The following HSPA12A variants were observed in gnomAD, a reference collection of about 807,000 sequenced individuals.
HSPA12A encodes heat shock protein family A (Hsp70) member 12A.
Under a neutral mutation model 69.2 loss-of-function variants are expected in HSPA12A, and 28 were observed. The ratio of observed to expected loss-of-function variants is 0.40; its 90% CI spans 0.30 to 0.55. The LOEUF is 0.55. HSPA12A is among the 20% of genes least tolerant of loss of function. HSPA12A has a pLI of 0.38. For missense variants in HSPA12A, 686 were observed against 900.7 expected, an observed-to-expected ratio of 0.76 and a Z score of 3.05; for synonymous variants, 345 against 370.5, an observed-to-expected ratio of 0.93 and a Z score of 0.79.
chr10:116,734,672 T>C (rs1851258672), intron 1 of HSPA12A, among the ~76,000 whole-genome samples: 1 of 151,758 alleles, frequency 6.6e-6, no homozygotes, highest in Admixed American at 6.6e-5. Context: ...TTTTGCTTTT[T>C]TCATATATTA....
intron 2 of HSPA12A, among the ~76,000 whole-genome samples, chr10:116,816,462 G>T (rs759095230): frequency 6.6e-6 from 1 of 152,334 alleles, no homozygotes; most frequent in African/African-American, 2.4e-5. Context: ...CCGAGGCCTG[G>T]AGTTTTTAGC....
intron 2 of HSPA12A, among the ~76,000 whole-genome samples, chr10:116,821,872 C>T (rs1224552571): frequency 6.6e-6 from 1 of 152,150 alleles, no homozygotes; most frequent in Middle Eastern, 3.2e-3. Context: ...AGCTCAGAAA[C>T]ACCAGAACCT....
chr10:116,780,672 T>C (rs1844444875), intron 2 of HSPA12A, among the ~76,000 whole-genome samples: 1 of 152,222 alleles, frequency 6.6e-6, no homozygotes, highest in Non-Finnish European at 1.5e-5. Context: ...AATACGATTA[T>C]CAAATCCTTT....
At chr10:116,841,382 T>C (rs1210666042) in intron 1 of HSPA12A, among the ~76,000 whole-genome samples, 1 of 152,232 alleles carries the variant, frequency 6.6e-6, no homozygotes, top group Non-Finnish European at 1.5e-5. Flanking sequence ...AAACAGATGC[T>C]GATCATCAGT....
intron 1 of HSPA12A, among the ~76,000 whole-genome samples, chr10:116,732,361 G>GAAGAAAGAAA (rs1554885934): frequency 1.0e-5 from 1 of 100,096 alleles, no homozygotes; most frequent in East Asian, 3.1e-4. Context: ...AGAGACAGAG[G>GAAGAAAGAAA]GAAAGAAAAC....
chr10:116,769,151 T>C (rs912798399), intron 2 of HSPA12A, among the ~76,000 whole-genome samples: 2 of 152,226 alleles, frequency 1.3e-5, no homozygotes. Flanking sequence ...ATCTTCTGAC[T>C]GACCAATCAT....
chr10:116,807,777 C>A (rs766291505), intron 2 of HSPA12A, among the ~76,000 whole-genome samples: 2 of 152,182 alleles, frequency 1.3e-5, no homozygotes, highest in Non-Finnish European at 2.9e-5. Context: ...TGGGCTGTTT[C>A]CTAGACTAAG....
In HSPA12A at chr10:116,676,442, G is replaced by C; in HGVS notation, c.1347C>G (p.Asn449Lys). ...GMLRMSPDAM[N>K]ALFKPTIDSI... ...TATCGATGGTCGGCTTAAAAAGGGC[G>C]TTCATGGCATCTGGACTCATCCGCA... is the stretch of plus-strand genomic sequence containing the variant. The change falls in exon 11 of 12, where the codon AAC becomes AAG. Residue 449 changes from asparagine (N) to lysine (K), a missense_variant. Coordinates refer to ENST00000369209, the MANE Select transcript of HSPA12A (RefSeq NM_025015.3). 1 of 1,614,012 alleles carries C rather than the reference G, an allele frequency of 6.2e-7. No individual in the cohort carries two copies. Among genetic ancestry groups the C allele is most frequent in the East Asian group, 2.2e-5 (1 of 44,888 alleles).
intron 2 of HSPA12A, among the ~76,000 whole-genome samples, chr10:116,783,659 G>A (rs533623401): frequency 1.3e-5 from 2 of 152,284 alleles, no homozygotes; most frequent in Admixed American, 1.3e-4. Context: ...CTGTGATATA[G>A]TCTTAAGTGG....
intron 2 of HSPA12A, among the ~76,000 whole-genome samples, chr10:116,752,387 C>T (rs567498429): frequency 2.3e-4 from 35 of 152,242 alleles, no homozygotes; most frequent in Non-Finnish European, 4.7e-4. Flanking sequence ...CTGGTCTTTC[C>T]TTCATCCTCC....
At chr10:116,744,421 C>T (rs1851602071), upstream of HSPA12A, among the ~76,000 whole-genome samples, 1 of 152,212 alleles carries the variant, frequency 6.6e-6, no homozygotes, top group Non-Finnish European at 1.5e-5. Context: ...GCCTTGACAG[C>T]CTGTCAGAAG....
intron 2 of HSPA12A, among the ~76,000 whole-genome samples, chr10:116,766,166 T>C (rs934344065): frequency 6.6e-6 from 1 of 152,194 alleles, no homozygotes; most frequent in Non-Finnish European, 1.5e-5. Context: ...GCCCTGACAC[T>C]GGGGCATGAA....
At chr10:116,681,294 G>A in intron 8 of HSPA12A, 38 bp from the exon 9 acceptor site, 1 of 1,536,708 alleles carries the variant, frequency 6.5e-7, no homozygotes. Context: ...CAGACTGTTT[G>A]CCAACCCCAT....
intron 6 of HSPA12A, among the ~76,000 whole-genome samples, chr10:116,687,353 G>A (rs1349446960): frequency 6.6e-6 from 1 of 152,198 alleles, no homozygotes; most frequent in Non-Finnish European, 1.5e-5. Context: ...GGCCCAGGCA[G>A]TGTCTGGGAG....
At position 116,706,581 on chromosome 10, in the gene HSPA12A, C is replaced by T. The variant is rs112284030; in HGVS notation, c.126+619G>A. ...AGCTCATGCAAAGCTGCCCTGTCTT[C>T]CGGGCACTCACTCAGGTTGGCTGCC... On this transcript the variant is annotated intron_variant, in intron 2 of 11. Transcript: ENST00000369209. Among the ~76,000 whole-genome samples, 572 of 152,310 alleles carry T rather than the reference C, an allele frequency of 3.8e-3. 6 individuals are homozygous for T. The highest frequency in any genetic ancestry group is 5.2e-3 in the Non-Finnish European group (352 of 68,022).
upstream of HSPA12A, among the ~76,000 whole-genome samples, chr10:116,746,467 T>C (rs1167790326): frequency 4.6e-5 from 7 of 152,058 alleles, no homozygotes; most frequent in African/African-American, 1.7e-4. Context: ...ATGAGAAAAG[T>C]ACAACAGGAG....
chr10:116,765,937 T>C (rs895625426), intron 2 of HSPA12A, among the ~76,000 whole-genome samples: 1 of 152,234 alleles, frequency 6.6e-6, no homozygotes, highest in Non-Finnish European at 1.5e-5. Context: ...TACTTGGACA[T>C]TGCTTCATAG....
chr10:116,788,701 C>T (rs1291580336), intron 2 of HSPA12A, among the ~76,000 whole-genome samples: 1 of 151,912 alleles, frequency 6.6e-6, no homozygotes, highest in Non-Finnish European at 1.5e-5. Flanking sequence ...GGTATCTGCA[C>T]AATAATACAT....
chr10:116,778,446 G>A (rs1038168252), intron 2 of HSPA12A, among the ~76,000 whole-genome samples: 20 of 152,146 alleles, frequency 1.3e-4, no homozygotes, highest in African/African-American at 4.6e-4. Flanking sequence ...GGGAGATGAG[G>A]GTGGCACACC....
Sources: allele counts gnomAD v4.1 joint callset (sites outside exome capture counted in the v4.1 genomes callset), GRCh38; gene constraint gnomAD v4.1.1; transcripts MANE v1.5; gene names NCBI Gene and HGNC (gene_info 2026-07-23, HGNC 2026-07-21).